PSIP1: variants seen among roughly 807,000 people sequenced by gnomAD.
PSIP1 encodes PC4 and SRSF1 interacting protein 1.
Under a neutral mutation model 74.7 loss-of-function variants are expected in PSIP1, and 19 were observed. The ratio of observed to expected loss-of-function variants is 0.25; its 90% CI spans 0.18 to 0.37. The LOEUF (loss-of-function observed/expected upper bound fraction) is 0.37. Ranked by LOEUF, PSIP1 falls within the 10% of genes least tolerant of loss-of-function variation. The pLI is 1.00. For missense variants in PSIP1, 601 were observed against 614.3 expected (o/e 0.98, Z 0.23); for synonymous variants, 222 against 195.3 (o/e 1.14, Z -1.14).
At chr9:15,475,176 T>G (rs898291209) in intron 8 of PSIP1, among the ~76,000 whole-genome samples, 1 of 152,194 alleles carries the variant, frequency 6.6e-6, no homozygotes, top group Non-Finnish European at 1.5e-5. Flanking sequence ...AACTTTTTAT[T>G]ATATAATTAT....
At chr9:15,501,199 T>C (rs1459715601) in intron 3 of PSIP1, among the ~76,000 whole-genome samples, 1 of 152,074 alleles carries the variant, frequency 6.6e-6, no homozygotes, top group East Asian at 1.9e-4. Flanking sequence ...TCTGATCTAG[T>C]TGCTCTACAT....
In PSIP1 at chr9:15,503,572, G is replaced by C. The variant is rs982346377; in HGVS notation, c.149+2989C>G. Reference sequence around the variant, plus strand: ...AGCTACTTGGGAAGTTGAGATGGGAGGATCACTTAGGCCCAGGAGTTCAAG... The same window carrying C: ...AGCTACTTGGGAAGTTGAGATGGGACGATCACTTAGGCCCAGGAGTTCAAG... On this transcript the variant is annotated intron_variant, in intron 3 of 15. Coordinates refer to ENST00000380733, the MANE Select transcript of PSIP1 (RefSeq NM_033222.5). Among the ~76,000 whole-genome samples the C allele has an allele frequency of 2.0e-5, 3 of 151,666 alleles. No individual in the cohort carries two copies. In the East Asian group the frequency reaches 5.8e-4, roughly 29 times the overall value.
intron 8 of PSIP1, 71 bp downstream of exon 8, chr9:15,478,406 G>A (rs989137189): frequency 1.2e-5 from 13 of 1,081,350 alleles, no homozygotes; most frequent in South Asian, 3.2e-5. Context: ...TGATAAAATC[G>A]CAGAGATATG....
chr9:15,468,735 C>G lies in PSIP1; in HGVS notation c.1315G>C (p.Val439Leu). The G allele has an allele frequency of 6.2e-7, 1 of 1,614,086 alleles. No homozygotes were observed. ...TGTTCAGCAAGAGATTTATTCAGCACTTGGGTGATCACGGAATCTCCTTCA... is the reference window on the plus strand; with the variant it reads ...TGTTCAGCAAGAGATTTATTCAGCAGTTGGGTGATCACGGAATCTCCTTCA... Reference protein sequence around the residue: ...VGEGDSVITQVLNKSLAEQRQ... With the variant: ...VGEGDSVITQLLNKSLAEQRQ... Residue 439 changes from valine to leucine, a missense_variant, in exon 14 of 16, where the codon GTG (valine) becomes CTG (leucine). By Grantham distance (32) the Val-to-Leu change is conservative (BLOSUM62 1). Coordinates refer to ENST00000380733, the MANE Select transcript of PSIP1 (RefSeq NM_033222.5).
intron 10 of PSIP1, chr9:15,471,728 G>A: frequency 1.0e-6 from 1 of 965,448 alleles, no homozygotes; most frequent in Non-Finnish European, 1.2e-6. Context: ...CGCTGTACTT[G>A]TCAAGAAAGA....
At chr9:15,507,846 G>A (rs567959479) in intron 2 of PSIP1, among the ~76,000 whole-genome samples, 10 of 152,104 alleles carry the variant, frequency 6.6e-5, no homozygotes, top group Non-Finnish European at 1.2e-4. Flanking sequence ...GAAGTCTAAA[G>A]GCTTTCACAC....
Position 15,481,496 on chromosome 9 carries a change from G to T in PSIP1, c.457-1809C>A, listed in dbSNP as rs141740636. 1.1e-3 allele frequency among the ~76,000 whole-genome samples: 162 copies of T among 152,258 alleles called. 3 individuals are homozygous for T. The East Asian group carries it at 0.03, about 28-fold the overall frequency. ...GCAGATCACGAGGTCAGGAGTTCGAGACCAGCCTGGCCAACATGGTGAAAC... is the reference window on the plus strand; with the variant it reads ...GCAGATCACGAGGTCAGGAGTTCGATACCAGCCTGGCCAACATGGTGAAAC... On this transcript the variant is annotated intron_variant, in intron 6 of 15. Coordinates refer to ENST00000380733, the MANE Select transcript of PSIP1 (RefSeq NM_033222.5).
intron 9 of PSIP1, 140 bp downstream of exon 9, chr9:15,473,869 C>G: frequency 1.6e-6 from 1 of 610,086 alleles, no homozygotes; most frequent in Non-Finnish European, 2.5e-6. Flanking sequence ...CCACTGCACT[C>G]CAGCCTAAGC....
At chr9:15,507,172 G>C (rs1004765358) in intron 2 of PSIP1, among the ~76,000 whole-genome samples, 3 of 152,202 alleles carry the variant, frequency 2.0e-5, no homozygotes, top group Admixed American at 2.0e-4. Flanking sequence ...ATCCTTCACT[G>C]ATGTGCCTGA....
At chr9:15,476,966 T>G (rs112061713) in intron 8 of PSIP1, among the ~76,000 whole-genome samples, 4 of 152,044 alleles carry the variant, frequency 2.6e-5, no homozygotes, top group African/African-American at 9.7e-5. Flanking sequence ...ACTGAAAAAG[T>G]AGAGAAGTTC....
At chr9:15,475,953 TTTC>T (rs2036057280) in intron 8 of PSIP1, among the ~76,000 whole-genome samples, 1 of 152,152 alleles carries the variant, frequency 6.6e-6, no homozygotes, top group Non-Finnish European at 1.5e-5. Context: ...TTAACAAACA[TTTC>T]TGAGGATTAT....
At chr9:15,509,286 A>G (rs1035189030) in intron 2 of PSIP1, among the ~76,000 whole-genome samples, 1 of 152,234 alleles carries the variant, frequency 6.6e-6, no homozygotes, top group Non-Finnish European at 1.5e-5. Flanking sequence ...ATTGCAACAT[A>G]TCTTAGGTCC....
At chr9:15,466,915 A>C in intron 14 of PSIP1, 56 bp from the exon 15 acceptor site, 1 of 1,308,144 alleles carries the variant, frequency 7.6e-7, no homozygotes, top group Non-Finnish European at 1.1e-6. Flanking sequence ...CAATAATTGA[A>C]GGTGTCCACT....
intron 2 of PSIP1, 65 bp downstream of exon 2, chr9:15,510,052 G>T: frequency 2.1e-6 from 3 of 1,440,666 alleles, no homozygotes; most frequent in South Asian, 2.5e-5. Context: ...AAAGAGACAC[G>T]GTGGGCAGCA....
At chr9:15,506,534 T>C in intron 3 of PSIP1, 27 bp downstream of exon 3, 1 of 1,516,816 alleles carries the variant, frequency 6.6e-7, no homozygotes, top group Non-Finnish European at 9.1e-7. Flanking sequence ...TTAGCTCTGA[T>C]TTGCCTTTAA....
chr9:15,465,281 G>GT lies in PSIP1; in HGVS notation c.*238dup. On this transcript the variant is annotated 3_prime_UTR_variant, in exon 16 of 16. Coordinates refer to ENST00000380733, the MANE Select transcript of PSIP1 (RefSeq NM_033222.5). ...TGCTACAACCATGTCTGGAAAAGCA[G>GT]TTTAACATTTTCTAAATGGATTTTA... is the stretch of plus-strand genomic sequence containing the variant. 2.3e-6 allele frequency: 1 copy of GT among 437,134 alleles called. No homozygotes were observed. Among genetic ancestry groups the GT allele is most frequent in the South Asian group, 4.7e-5 (1 of 21,352 alleles). 27.1% of individuals were successfully genotyped at this position (437,134 alleles called of 1,614,324 possible).
At chr9:15,507,647 CA>C (rs369178028) in intron 2 of PSIP1, among the ~76,000 whole-genome samples, 1 of 149,994 alleles carries the variant, frequency 6.7e-6, no homozygotes, top group African/African-American at 2.4e-5. Flanking sequence ...TTAAAAAAAA[CA>C]AAAAAAAAGA....
intron 3 of PSIP1, among the ~76,000 whole-genome samples, chr9:15,492,905 G>A (rs912943629): frequency 8.5e-5 from 13 of 152,206 alleles, no homozygotes; most frequent in Admixed American, 3.3e-4. Flanking sequence ...GGGACACAGG[G>A]CACCAAGTCC....
At chr9:15,483,254 T>TA (rs1302349048) in intron 6 of PSIP1, among the ~76,000 whole-genome samples, 1 of 152,174 alleles carries the variant, frequency 6.6e-6, no homozygotes, top group Non-Finnish European at 1.5e-5. Context: ...ACCTTCCCCT[T>TA]ACTCATGCCT....
Sources: gnomAD v4.1 joint callset for allele counts (sites outside exome capture counted in the v4.1 genomes callset) on GRCh38, gnomAD v4.1.1 for gene constraint, MANE v1.5 for transcripts, NCBI Gene and HGNC (gene_info 2026-07-23, HGNC 2026-07-21) for gene names.